The following TMEM72 variants were observed in gnomAD, a reference collection of about 807,000 sequenced individuals.
The protein encoded by TMEM72 is kidney-specific secretory protein of 37 kDa.
Under a neutral mutation model 16.3 loss-of-function variants are expected in TMEM72, and 9 were observed. The observed-to-expected ratio is 0.55, with a 90% confidence interval of 0.33 to 0.96. The LOEUF is 0.96. Ranked by LOEUF, TMEM72 falls within the 40% of genes least tolerant of loss-of-function variation. TMEM72 has a pLI of 0.03. For synonymous variants in TMEM72, 160 were observed against 146.5 expected (o/e 1.09, Z -0.66); for missense variants, 324 against 337.8 (o/e 0.96, Z 0.32).
At chr10:44,932,825 G>A (rs1840322903) in intron 3 of TMEM72, among the ~76,000 whole-genome samples, 1 of 152,192 alleles carries the variant, frequency 6.6e-6, no homozygotes, top group Non-Finnish European at 1.5e-5. Context: ...ATGGACCCTG[G>A]ATGGACTCCA....
intron 1 of TMEM72, among the ~76,000 whole-genome samples, chr10:44,924,154 C>T (rs76018888): frequency 0.01 from 1,555 of 152,308 alleles, 23 homozygotes; most frequent in African/African-American, 0.036. Context: ...ACCCCACAGT[C>T]GCCTTGATCC....
intron 1 of TMEM72, among the ~76,000 whole-genome samples, chr10:44,925,181 C>T (rs567749506): frequency 6.6e-6 from 1 of 152,330 alleles, no homozygotes; most frequent in African/African-American, 2.4e-5. Flanking sequence ...GCTCTCATTT[C>T]TCTGTTGCCA....
chr10:44,929,700 T>A (rs1419178850), intron 2 of TMEM72, among the ~76,000 whole-genome samples: 1 of 152,260 alleles, frequency 6.6e-6, no homozygotes, highest in Non-Finnish European at 1.5e-5. Flanking sequence ...TGCCATATTC[T>A]GGCCTCTGCC....
intron 1 of TMEM72, among the ~76,000 whole-genome samples, chr10:44,918,032 C>T (rs774880767): frequency 6.6e-6 from 1 of 152,076 alleles, no homozygotes; most frequent in Non-Finnish European, 1.5e-5. Flanking sequence ...TGGTAGAAGG[C>T]CAGGAGGAGC....
At chr10:44,921,081 C>T (rs552733625) in intron 1 of TMEM72, among the ~76,000 whole-genome samples, 1 of 152,136 alleles carries the variant, frequency 6.6e-6, no homozygotes, top group Non-Finnish European at 1.5e-5. Flanking sequence ...AGCCCTGGAC[C>T]CTGAGAGAAG....
intron 3 of TMEM72, 102 bp from the exon 4 acceptor site, chr10:44,933,535 C>T: frequency 1.4e-6 from 2 of 1,473,162 alleles, no homozygotes; most frequent in South Asian, 2.7e-5. Context: ...GGGCCCACTG[C>T]AGAGCATGCC....
chr10:44,911,969 A>G (rs1188140938), intron 1 of TMEM72, among the ~76,000 whole-genome samples: 1 of 152,210 alleles, frequency 6.6e-6, no homozygotes, highest in East Asian at 1.9e-4. Context: ...CAAAAGGTCA[A>G]CTGAGCTCAT....
intron 2 of TMEM72, among the ~76,000 whole-genome samples, chr10:44,931,210 T>C (rs745499831): frequency 6.6e-6 from 1 of 152,208 alleles, no homozygotes; most frequent in Non-Finnish European, 1.5e-5. Context: ...TAGCTTCTTG[T>C]GTTGTCAAGG....
chr10:44,928,097 C>A (rs1589046138), intron 2 of TMEM72, 110 bp downstream of exon 2: 3 of 1,253,852 alleles, frequency 2.4e-6, no homozygotes, highest in Non-Finnish European at 3.4e-6. Flanking sequence ...TGAATTCCAT[C>A]CTATCTCAGG....
At chr10:44,916,106 C>T (rs1314507654) in intron 1 of TMEM72, among the ~76,000 whole-genome samples, 25 of 152,136 alleles carry the variant, frequency 1.6e-4, no homozygotes, top group Non-Finnish European at 2.9e-5. Flanking sequence ...GACAGAGGTC[C>T]GGTGTTAGAA....
Position 44,931,459 on chromosome 10 carries a change from G to A in TMEM72, c.138-539G>A, listed in dbSNP as rs141331628. ...CCAGAGTGACACAGTGGGGGAGCAG[G>A]AGACAGGCCTGGGGTAAGTGAGGAA... On this transcript the variant is annotated intron_variant, in intron 2 of 4. Transcript: ENST00000389583. Among the ~76,000 whole-genome samples, 153 of 152,322 alleles carry A rather than the reference G, an allele frequency of 1.0e-3. 1 individual carries two copies. Among genetic ancestry groups the A allele is most frequent in the African/African-American group, 3.4e-3 (141 of 41,578 alleles).
rs1223650995 is a variant in TMEM72, at chr10:44,933,632, C to T, written c.210-5C>T. ...ATTATGCTAACCTGGACTCCCTCTC[C>T]CCAGGTGTCAACCAGGGTCCCTGGC... is the stretch of plus-strand genomic sequence containing the variant. On this transcript the variant is annotated splice_polypyrimidine_tract_variant and splice_region_variant and intron_variant, in intron 3 of 4. Coordinates refer to ENST00000389583, the MANE Select transcript of TMEM72 (RefSeq NM_001123376.3). The T allele has an allele frequency of 2.5e-6, 4 of 1,612,194 alleles. No individual in the cohort carries two copies. In the East Asian group the frequency reaches 8.9e-5, roughly 36 times the overall value.
At chr10:44,921,479 T>C (rs1238441593) in intron 1 of TMEM72, among the ~76,000 whole-genome samples, 2 of 152,228 alleles carry the variant, frequency 1.3e-5, no homozygotes, top group Non-Finnish European at 2.9e-5. Flanking sequence ...TGTAGAGAAT[T>C]TGGTGTCATG....
chr10:44,913,824 C>T (rs949352346), intron 1 of TMEM72, among the ~76,000 whole-genome samples: 1 of 152,180 alleles, frequency 6.6e-6, no homozygotes, highest in Non-Finnish European at 1.5e-5. Flanking sequence ...GTTGAGAAAT[C>T]CAGGCTTCAT....
intron 1 of TMEM72, among the ~76,000 whole-genome samples, chr10:44,925,772 CAA>C (rs1226997244): frequency 6.6e-6 from 1 of 152,186 alleles, no homozygotes; most frequent in Non-Finnish European, 1.5e-5. Flanking sequence ...GTGGGGATAA[CAA>C]GAGTACCTTC....
At chr10:44,922,216 G>C (rs1280094056) in intron 1 of TMEM72, among the ~76,000 whole-genome samples, 1 of 152,188 alleles carries the variant, frequency 6.6e-6, no homozygotes, top group African/African-American at 2.4e-5. Flanking sequence ...TCATCCACAG[G>C]TTGAAGTGAG....
intron 3 of TMEM72, among the ~76,000 whole-genome samples, chr10:44,933,144 G>A (rs540238688): frequency 2.6e-5 from 4 of 152,226 alleles, no homozygotes; most frequent in Non-Finnish European, 5.9e-5. Flanking sequence ...TATACAGTTA[G>A]AAAAGAAGCC....
At chr10:44,922,997 A>G (rs1840126375) in intron 1 of TMEM72, 1 of 152,266 alleles carries the variant, frequency 6.6e-6, no homozygotes, top group Admixed American at 6.5e-5. Flanking sequence ...TCTAAAACGT[A>G]GTGATGTAAG....
intron 1 of TMEM72, among the ~76,000 whole-genome samples, chr10:44,912,121 A>G (rs1311320313): frequency 1.2e-4 from 19 of 152,236 alleles, no homozygotes; most frequent in Non-Finnish European, 2.9e-5. Context: ...CCCTGTTAAC[A>G]GAACACCCTG....
Sources: allele counts gnomAD v4.1 joint callset (sites outside exome capture counted in the v4.1 genomes callset), GRCh38; gene constraint gnomAD v4.1.1; transcripts MANE v1.5; gene names NCBI Gene and HGNC (gene_info 2026-07-23, HGNC 2026-07-21).